ATXN10: variants seen among roughly 807,000 people sequenced by gnomAD.
ATXN10 encodes ataxin-10.
In ATXN10, 28 loss-of-function variants were observed where a neutral mutation model predicts 52.9. The ratio of observed to expected loss-of-function variants is 0.53; its 90% CI spans 0.39 to 0.73. The LOEUF (loss-of-function observed/expected upper bound fraction) is 0.73, where lower values mean the gene tolerates loss of function less well. Among genes scored for constraint, ATXN10 ranks in the 30% least tolerant of loss-of-function variants. The pLI is 0.00. For synonymous variants in ATXN10, 226 were observed against 221.5 expected, an observed-to-expected ratio of 1.02 and a Z score of -0.18; for missense variants, 565 against 577.0, an observed-to-expected ratio of 0.98 and a Z score of 0.21.
chr22:45,766,069 C>A lies in ATXN10; in HGVS notation c.1173+25531C>A, dbSNP rs149599716. ...CAGTAGAAAAATGCAGAAATAGATTCAAATGTTTTTGGAAATGTAGTGTAT... is the reference window on the plus strand; with the variant it reads ...CAGTAGAAAAATGCAGAAATAGATTAAAATGTTTTTGGAAATGTAGTGTAT... On this transcript the variant is annotated intron_variant, in intron 9 of 11. Coordinates refer to ENST00000252934, the MANE Select transcript of ATXN10 (RefSeq NM_013236.4). This position sits in a 1 kb window ranked among gnomAD's most constrained non-coding sequence, Gnocchi z 4.6. Among the ~76,000 whole-genome samples the A allele has an allele frequency of 6.6e-6, 1 of 152,126 alleles. No homozygotes were observed. Among genetic ancestry groups the A allele is most frequent in the Non-Finnish European group, 1.5e-5 (1 of 68,020 alleles).
chr22:45,730,974 T>C (rs748447444), intron 7 of ATXN10, among the ~76,000 whole-genome samples: 7 of 152,220 alleles, frequency 4.6e-5, no homozygotes, highest in Non-Finnish European at 8.8e-5. Flanking sequence ...CCTGGTTAAT[T>C]ATTTAAACTA....
In ATXN10 at chr22:45,733,141, A is replaced by G. The variant is rs1424081044; in HGVS notation, c.894+3551A>G. On this transcript the variant is annotated intron_variant, in intron 7 of 11. Transcript: ENST00000252934. The surrounding 1 kb of genome is among the most constrained non-coding windows in gnomAD (Gnocchi z 4.4). ...GTAGCAAGCCTTGCCTTTTCTCTGAAAGCTCAAAAAACATTCCTTTTAGCT... is the reference window on the plus strand; with the variant it reads ...GTAGCAAGCCTTGCCTTTTCTCTGAGAGCTCAAAAAACATTCCTTTTAGCT... Among the ~76,000 whole-genome samples, 3 of 152,284 alleles carry G rather than the reference A, an allele frequency of 2.0e-5. No individual in the cohort carries two copies. The highest frequency in any genetic ancestry group is 3.9e-4 in the East Asian group (2 of 5,184).
At chr22:45,738,565 T>G in intron 7 of ATXN10, 166 bp from the exon 8 acceptor site, 1 of 623,974 alleles carries the variant, frequency 1.6e-6, no homozygotes, top group Non-Finnish European at 2.8e-6. Flanking sequence ...GTGTACATAT[T>G]TCATACTTCT....
chr22:45,842,286 C>T lies in ATXN10; in HGVS notation c.1238-705C>T, dbSNP rs1361487650. The stretch of plus-strand genomic sequence containing the variant: ...TCAAATGCCCTACTCAGTGATGTGG[C>T]GATGCTATCCCAGTCTTCGTAGGTT... On this transcript the variant is annotated intron_variant, in intron 10 of 11. Coordinates refer to ENST00000252934, the MANE Select transcript of ATXN10 (RefSeq NM_013236.4). This position sits in a 1 kb window ranked among gnomAD's most constrained non-coding sequence, Gnocchi z 4.8. 9.9e-5 allele frequency among the ~76,000 whole-genome samples: 15 copies of T among 152,116 alleles called. No homozygotes were observed. The East Asian group carries it at 2.3e-3, about 23-fold the overall frequency.
In ATXN10 at chr22:45,696,941, G is replaced by A. The variant is rs764693161; in HGVS notation, c.392-3341G>A. Among the ~76,000 whole-genome samples the A allele has an allele frequency of 6.6e-6, 1 of 152,068 alleles. No individual in the cohort carries two copies. The highest frequency in any genetic ancestry group is 1.5e-5 in the Non-Finnish European group (1 of 68,016). On this transcript the variant is annotated intron_variant, in intron 3 of 11. Coordinates refer to ENST00000252934, the MANE Select transcript of ATXN10 (RefSeq NM_013236.4). The surrounding 1 kb of genome is among the most constrained non-coding windows in gnomAD (Gnocchi z 4.7). Reference sequence around the variant, plus strand: ...TCACTCATATTCACTAGGCAGAGAGGGCAGATTCTTACAGACCTGTTACAT... The same window carrying A: ...TCACTCATATTCACTAGGCAGAGAGAGCAGATTCTTACAGACCTGTTACAT...
intron 9 of ATXN10, among the ~76,000 whole-genome samples, chr22:45,745,027 G>T (rs1925674202): frequency 6.6e-6 from 1 of 152,090 alleles, no homozygotes; most frequent in African/African-American, 2.4e-5. Context: ...TTCTCGACTT[G>T]TGTAGTATTT....
chr22:45,710,647 C>T (rs1467174249), intron 5 of ATXN10, among the ~76,000 whole-genome samples: 3 of 152,152 alleles, frequency 2.0e-5, no homozygotes, highest in Admixed American at 6.5e-5. Context: ...TGGTCTGAAT[C>T]CGGCCCACTG....
intron 1 of ATXN10, among the ~76,000 whole-genome samples, chr22:45,686,814 A>T (rs962159210): frequency 1.2e-4 from 9 of 76,458 alleles, no homozygotes; most frequent in Non-Finnish European, 1.7e-4. Flanking sequence ...GCAAGACTCC[A>T]TCTCAAAAAA....
intron 10 of ATXN10, among the ~76,000 whole-genome samples, chr22:45,811,325 A>G (rs777017293): frequency 3.3e-5 from 5 of 152,194 alleles, no homozygotes; most frequent in Admixed American, 6.5e-5. Context: ...TGGTATTTAC[A>G]TGGTACAATT....
At chr22:45,673,555 T>G (rs1428491261) in intron 1 of ATXN10, 1 of 152,238 alleles carries the variant, frequency 6.6e-6, no homozygotes, top group Non-Finnish European at 1.5e-5. Flanking sequence ...AATAACCCAG[T>G]CATCAACCAT....
rs1463445888 is a variant in ATXN10 at position 45,690,063 on chromosome 22, AG to A, written c.308+162del. The stretch of plus-strand genomic sequence containing the variant: ...TGAGGCAGGAGGATTGCTTGAGTCC[AG>A]GAGTTCAAGACCGGCCTGGGCAACA... On this transcript the variant is annotated intron_variant, in intron 2 of 11. Transcript: ENST00000252934. The surrounding 1 kb of genome is among the most constrained non-coding windows in gnomAD (Gnocchi z 4.5). 6.6e-6 allele frequency among the ~76,000 whole-genome samples: 1 copy of A among 152,144 alleles called. No homozygotes were observed. Among genetic ancestry groups the A allele is most frequent in the African/African-American group, 2.4e-5 (1 of 41,406 alleles).
rs1298235608 is a variant in ATXN10, at chr22:45,837,438, A to G, written c.1238-5553A>G. Among the ~76,000 whole-genome samples the G allele has an allele frequency of 1.3e-5, 2 of 151,862 alleles. No individual in the cohort carries two copies. Among genetic ancestry groups the G allele is most frequent in the Non-Finnish European group, 2.9e-5 (2 of 67,994 alleles). Reference sequence around the variant, plus strand: ...CAGCACGCCCAGCTGATTTTTTTGTATATTTAGTAGAGATGGGGTTTTACC... The same window carrying G: ...CAGCACGCCCAGCTGATTTTTTTGTGTATTTAGTAGAGATGGGGTTTTACC... On this transcript the variant is annotated intron_variant, in intron 10 of 11. Coordinates refer to ENST00000252934, the MANE Select transcript of ATXN10 (RefSeq NM_013236.4). This position sits in a 1 kb window ranked among gnomAD's most constrained non-coding sequence, Gnocchi z 5.8.
intron 9 of ATXN10, among the ~76,000 whole-genome samples, chr22:45,747,908 T>A (rs1925796831): frequency 1.3e-5 from 2 of 150,676 alleles, no homozygotes; most frequent in African/African-American, 4.9e-5. Context: ...TAGTAAGACC[T>A]CCCATCTCTA....
chr22:45,811,807 C>T (rs766021188), intron 10 of ATXN10: 3 of 470,434 alleles, frequency 6.4e-6, no homozygotes, highest in South Asian at 4.7e-5. Context: ...ATTTTTGATT[C>T]CCCATTCATT....
chr22:45,749,161 A>C (rs1569048335), intron 9 of ATXN10, among the ~76,000 whole-genome samples: 1 of 152,320 alleles, frequency 6.6e-6, no homozygotes, highest in East Asian at 1.9e-4. Context: ...CTACCACTGC[A>C]TATTCCTCCC....
rs1047365033 is a variant in ATXN10, at chr22:45,818,608, A to G, written c.1237+11586A>G. Among the ~76,000 whole-genome samples the G allele has an allele frequency of 8.6e-5, 13 of 151,982 alleles. No homozygotes were observed. Among genetic ancestry groups the G allele is most frequent in the African/African-American group, 3.1e-4 (13 of 41,304 alleles). On this transcript the variant is annotated intron_variant, in intron 10 of 11. Transcript: ENST00000252934. The surrounding 1 kb of genome is among the most constrained non-coding windows in gnomAD (Gnocchi z 4.6). Reference sequence around the variant, plus strand: ...CTTTCAGCGGACCGGGGCAGGGATCAGGGATCAACAGCCTGGGGCAGGGAT... The same window carrying G: ...CTTTCAGCGGACCGGGGCAGGGATCGGGGATCAACAGCCTGGGGCAGGGAT...
intron 9 of ATXN10, among the ~76,000 whole-genome samples, chr22:45,765,251 A>C (rs1247167312): frequency 6.6e-6 from 1 of 152,088 alleles, no homozygotes; most frequent in African/African-American, 2.4e-5. Flanking sequence ...AAAGATCAGG[A>C]GGTTGCAGCA....
chr22:45,679,110 C>A (rs1263094688), intron 1 of ATXN10: 1 of 152,184 alleles, frequency 6.6e-6, no homozygotes, highest in Non-Finnish European at 1.5e-5. Flanking sequence ...ATTCCCTTGG[C>A]ACTCTGTGCT....
chr22:45,738,661 C>A (rs1050381338), intron 7 of ATXN10, 70 bp from the exon 8 acceptor site: 10 of 1,205,774 alleles, frequency 8.3e-6, no homozygotes, highest in Admixed American at 1.8e-5. Flanking sequence ...TATTCTCTTA[C>A]AGTTATTTAT....
Sources: allele counts gnomAD v4.1 joint callset (sites outside exome capture counted in the v4.1 genomes callset), GRCh38; gene constraint gnomAD v4.1.1; non-coding constraint Gnocchi (gnomAD v3.1); transcripts MANE v1.5; gene names NCBI Gene and HGNC (gene_info 2026-07-23, HGNC 2026-07-21).